Variants in BAIAP2 observed in about 807,000 individuals in gnomAD.
BAIAP2 encodes BAR/IMD domain containing adaptor protein 2, also known as BAR/IMD domain-containing adapter protein 2.
A neutral mutation model predicts 63.0 loss-of-function variants in BAIAP2; 18 were observed. The ratio of observed to expected loss-of-function variants is 0.29; its 90% CI spans 0.20 to 0.42. The LOEUF (loss-of-function observed/expected upper bound fraction) is 0.42, where lower values mean the gene tolerates loss of function less well. Among genes scored for constraint, BAIAP2 ranks in the 10% least tolerant of loss-of-function variants. BAIAP2 has a pLI of 1.00. For missense variants in BAIAP2, 610 were observed against 734.3 expected, an observed-to-expected ratio of 0.83 and a Z score of 1.96; for synonymous variants, 386 against 307.6, an observed-to-expected ratio of 1.25 and a Z score of -2.67.
At chr17:81,109,392 A>G (rs796399061) in intron 13 of BAIAP2, 106 of 886,852 alleles carry the variant, frequency 1.2e-4, no homozygotes, top group African/African-American at 1.0e-3. Context: ...AAAAAAAAAA[A>G]AAAGAAAAAA....
intron 2 of BAIAP2, among the ~76,000 whole-genome samples, chr17:81,055,120 G>C (rs1398964934): frequency 6.6e-6 from 1 of 152,196 alleles, no homozygotes; most frequent in African/African-American, 2.4e-5. Context: ...CCATGGGTTG[G>C]GTGGAGTTGG....
At chr17:81,035,407 G>C (rs2046076590) in intron 1 of BAIAP2, 99 bp downstream of exon 1, 4 of 667,662 alleles carry the variant, frequency 6.0e-6, no homozygotes, top group Non-Finnish European at 7.5e-6. Context: ...CCGGGGCCGC[G>C]CGCCGGGCCA....
chr17:81,097,162 C>T (rs866940898), intron 6 of BAIAP2, among the ~76,000 whole-genome samples: 11 of 152,210 alleles, frequency 7.2e-5, no homozygotes, highest in Admixed American at 2.0e-4. Flanking sequence ...CCCTACAGCG[C>T]CTCTGGAGGG....
At chr17:81,048,481 C>T (rs1220955018) in intron 1 of BAIAP2, among the ~76,000 whole-genome samples, 2 of 152,052 alleles carry the variant, frequency 1.3e-5, no homozygotes, top group African/African-American at 4.8e-5. Flanking sequence ...GTACTGGCCA[C>T]TCTCCCTTTG....
At chr17:81,077,127 GT>G (rs2053788987) in intron 3 of BAIAP2, among the ~76,000 whole-genome samples, 2 of 152,314 alleles carry the variant, frequency 1.3e-5, no homozygotes, top group East Asian at 3.9e-4. Flanking sequence ...CGTGAGACTG[GT>G]TCCCGGAGCT....
At chr17:81,069,608 C>T (rs1016887928) in intron 3 of BAIAP2, among the ~76,000 whole-genome samples, 5 of 152,166 alleles carry the variant, frequency 3.3e-5, no homozygotes, top group South Asian at 2.1e-4. Flanking sequence ...CCTTCCTTTT[C>T]GGGAGGTGTA....
intron 1 of BAIAP2, among the ~76,000 whole-genome samples, chr17:81,051,502 C>T (rs142444030): frequency 7.8e-4 from 118 of 152,248 alleles, no homozygotes; most frequent in African/African-American, 2.8e-3. Context: ...CAGGTTCAAG[C>T]GATTCTCCTG....
intron 3 of BAIAP2, among the ~76,000 whole-genome samples, chr17:81,084,338 T>C (rs1424101138): frequency 6.6e-6 from 1 of 151,898 alleles, no homozygotes; most frequent in East Asian, 1.9e-4. Flanking sequence ...GGTAGTGAGG[T>C]GTCTTGGAGT....
At chr17:81,108,144 G>T (rs1044177784) in intron 12 of BAIAP2, 5 of 429,764 alleles carry the variant, frequency 1.2e-5, no homozygotes, top group African/African-American at 1.0e-4. Flanking sequence ...CAGGTGCCCT[G>T]CGGGGGCCTC....
intron 13 of BAIAP2, among the ~76,000 whole-genome samples, chr17:81,113,513 T>TG (rs35334363): frequency 1.3e-5 from 2 of 152,188 alleles, no homozygotes; most frequent in African/African-American, 2.4e-5. Flanking sequence ...CCCAGACAGC[T>TG]GGGGGGTGGG....
In BAIAP2 at chr17:81,035,203, C is replaced by T. The variant is rs2046037175; in HGVS notation, c.-52C>T. The stretch of plus-strand genomic sequence containing the variant: ...CCTGCTGCCGTTACCGCCGCTGCTG[C>T]CGCCGCTTGCGTCCCCCGCTCCGGT... On this transcript the variant is annotated 5_prime_UTR_variant, in exon 1 of 14. Coordinates refer to ENST00000428708, the MANE Select transcript of BAIAP2 (RefSeq NM_001144888.2). 2.8e-6 allele frequency: 4 copies of T among 1,421,222 alleles called. No homozygotes were observed. Among genetic ancestry groups the T allele is most frequent in the Admixed American group, 2.3e-5 (1 of 43,102 alleles). The allele number at this position is 1,421,222 out of a possible 1,614,324, so 88.0% of individuals were successfully genotyped here.
intron 3 of BAIAP2, among the ~76,000 whole-genome samples, chr17:81,058,332 C>A (rs1418151010): frequency 6.6e-6 from 1 of 152,188 alleles, no homozygotes; most frequent in Admixed American, 6.5e-5. Flanking sequence ...TGCAAGCCCA[C>A]GTGTGGTGTG....
At chr17:81,042,265 C>T (rs548327670) in intron 1 of BAIAP2, among the ~76,000 whole-genome samples, 1 of 151,786 alleles carries the variant, frequency 6.6e-6, no homozygotes, top group African/African-American at 2.4e-5. Flanking sequence ...GCCTCAGCCA[C>T]CTGAGTAGCT....
intron 10 of BAIAP2, chr17:81,105,546 G>C: frequency 6.4e-6 from 1 of 156,192 alleles, no homozygotes; most frequent in Non-Finnish European, 1.4e-5. Context: ...AGAGAGGCTG[G>C]GCCAGGGTGC....
At chr17:81,082,705 G>A (rs1363591393) in intron 3 of BAIAP2, among the ~76,000 whole-genome samples, 2 of 152,222 alleles carry the variant, frequency 1.3e-5, no homozygotes, top group Non-Finnish European at 2.9e-5. Flanking sequence ...GTTCGGCTTT[G>A]GGAACAGGCC....
chr17:81,116,454 C>A lies in BAIAP2; in HGVS notation c.*615C>A. 1 of 1,062,330 alleles carries A rather than the reference C, an allele frequency of 9.4e-7. No homozygotes were observed. Among genetic ancestry groups the A allele is most frequent in the Non-Finnish European group, 1.3e-6 (1 of 747,786 alleles). 65.8% of individuals were successfully genotyped at this position (1,062,330 alleles called of 1,614,324 possible). On this transcript the variant is annotated 3_prime_UTR_variant, in exon 14 of 14. Transcript: ENST00000428708. ...AAGGGCCTCCCCAGGCCCCTCCTGC[C>A]TCGGGCAGGCCCCAGCCCTCCTCCT...
chr17:81,080,073 CTTA>C (rs2054339811), intron 3 of BAIAP2, among the ~76,000 whole-genome samples: 1 of 152,250 alleles, frequency 6.6e-6, no homozygotes, highest in African/African-American at 2.4e-5. Flanking sequence ...GCGGACAAGA[CTTA>C]GTTGCTCAGC....
At chr17:81,093,368 C>G (rs1169365629) in intron 6 of BAIAP2, among the ~76,000 whole-genome samples, 1 of 151,990 alleles carries the variant, frequency 6.6e-6, no homozygotes, top group African/African-American at 2.4e-5. Context: ...CTCACCACCT[C>G]CTGGGGCTTT....
intron 9 of BAIAP2, 95 bp downstream of exon 9, chr17:81,104,203 C>T (rs1300746625): frequency 2.2e-6 from 3 of 1,339,584 alleles, no homozygotes; most frequent in Non-Finnish European, 3.1e-6. Context: ...GCCTGGGAGA[C>T]CCTGAGGCTC....
Sources: allele counts gnomAD v4.1 joint callset (sites outside exome capture counted in the v4.1 genomes callset), GRCh38; gene constraint gnomAD v4.1.1; transcripts MANE v1.5; gene names NCBI Gene and HGNC (gene_info 2026-07-23, HGNC 2026-07-21).